NUFIP2: variants seen among roughly 807,000 people sequenced by gnomAD.
The protein encoded by NUFIP2 is FMR1-interacting protein NUFIP2.
A neutral mutation model predicts 56.9 loss-of-function variants in NUFIP2; 6 were observed. The ratio of observed to expected loss-of-function variants is 0.11; its 90% CI spans 0.06 to 0.21. The LOEUF is 0.21. Among genes scored for constraint, NUFIP2 ranks in the 10% least tolerant of loss-of-function variants. NUFIP2 has a pLI of 1.00. For missense variants in NUFIP2, 828 were observed against 826.8 expected (o/e 1.00, Z -0.02); for synonymous variants, 321 against 298.2 (o/e 1.08, Z -0.79).
intron 2 of NUFIP2, among the ~76,000 whole-genome samples, chr17:29,284,727 A>AAG (rs2069161824): frequency 6.7e-6 from 1 of 149,958 alleles, no homozygotes; most frequent in Non-Finnish European, 1.5e-5. Context: ...AAAAAAAAAA[A>AAG]GAAAAAAAAG....
In NUFIP2 at chr17:29,260,801, G is replaced by A. The variant is rs2068997922; in HGVS notation, c.*3738C>T. Reference sequence around the variant, plus strand: ...CCTTTATGAAGTTTCTGCAGATTGAGTAATGACTAGGTAAGCAGATGATTA... The same window carrying A: ...CCTTTATGAAGTTTCTGCAGATTGAATAATGACTAGGTAAGCAGATGATTA... On this transcript the variant is annotated 3_prime_UTR_variant, in exon 4 of 4. Transcript: ENST00000225388. The A allele has an allele frequency of 6.6e-6, 1 of 152,078 alleles. No individual in the cohort carries two copies. The allele number at this position is 152,078 out of a possible 1,614,324, so 9.4% of individuals were successfully genotyped here. A position where few individuals can be genotyped will look rare whatever the true frequency, so the allele number is the denominator to read the frequency against.
In NUFIP2 at chr17:29,261,685, G is replaced by A. The variant is rs187405578; in HGVS notation, c.*2854C>T. On this transcript the variant is annotated 3_prime_UTR_variant, in exon 4 of 4. Coordinates refer to ENST00000225388, the MANE Select transcript of NUFIP2 (RefSeq NM_020772.3). ...GTAAGGAATTGTGTGAGGACCTAAG[G>A]AGAAAGATTGCAACAAATAGAGTTA... The A allele has an allele frequency of 6.6e-6, 1 of 152,580 alleles. No individual in the cohort carries two copies. Among genetic ancestry groups the A allele is most frequent in the Admixed American group, 6.5e-5 (1 of 15,270 alleles). The allele number at this position is 152,580 out of a possible 1,614,324, so 9.5% of individuals were successfully genotyped here.
intron 2 of NUFIP2, among the ~76,000 whole-genome samples, chr17:29,270,324 G>GAAA (rs386385865): frequency 0.14 from 11,539 of 81,086 alleles, 666 homozygotes; most frequent in South Asian, 0.21. Flanking sequence ...CTAACCTGGA[G>GAAA]AAAAAAAAAA....
intron 1 of NUFIP2, among the ~76,000 whole-genome samples, chr17:29,292,768 G>T (rs2069224286): frequency 6.7e-6 from 1 of 148,844 alleles, no homozygotes; most frequent in African/African-American, 2.5e-5. Flanking sequence ...CCCTGCGCAG[G>T]CCGCTCCCCT....
chr17:29,268,069 T>C (rs538887915), intron 2 of NUFIP2, among the ~76,000 whole-genome samples: 171 of 152,250 alleles, frequency 1.1e-3, no homozygotes, highest in African/African-American at 3.8e-3. Context: ...CAGCTAATTT[T>C]TGTATTTTTA....
At chr17:29,271,120 T>C (rs72819457) in intron 2 of NUFIP2, among the ~76,000 whole-genome samples, 3,282 of 152,358 alleles carry the variant, frequency 0.022, 42 homozygotes, top group Middle Eastern at 0.034. Context: ...TGATAAAATG[T>C]TATTACCCTT....
In NUFIP2 at chr17:29,267,666, T is replaced by A. The variant is rs2069046727; in HGVS notation, c.2003-136A>T. Reference sequence around the variant, plus strand: ...TAGGGTTGAAAATGGCAAAATTCTATGAAGTTCAGATAAAGCATTCATATT... The same window carrying A: ...TAGGGTTGAAAATGGCAAAATTCTAAGAAGTTCAGATAAAGCATTCATATT... On this transcript the variant is annotated intron_variant, in intron 2 of 3. Coordinates refer to ENST00000225388, the MANE Select transcript of NUFIP2 (RefSeq NM_020772.3). 7.2e-6 allele frequency: 4 copies of A among 555,666 alleles called. No individual in the cohort carries two copies. The Admixed American group carries it at 1.4e-4, about 20-fold the overall frequency. 34.4% of individuals were successfully genotyped at this position (555,666 alleles called of 1,614,324 possible).
chr17:29,260,422 T>C lies in NUFIP2; in HGVS notation c.*4117A>G, dbSNP rs147533649. 1.3e-5 allele frequency: 2 copies of C among 152,346 alleles called. No homozygotes were observed. Among genetic ancestry groups the C allele is most frequent in the African/African-American group, 4.8e-5 (2 of 41,572 alleles). The allele number at this position is 152,346 out of a possible 1,614,324, so 9.4% of individuals were successfully genotyped here. A position where few individuals can be genotyped will look rare whatever the true frequency, so the allele number is the denominator to read the frequency against. On this transcript the variant is annotated 3_prime_UTR_variant, in exon 4 of 4. Transcript: ENST00000225388. ...AGGATGTGGCCCAGCGGCATAACTA[T>C]ACTAATAATACCTGGAAATTGGACT...
intron 2 of NUFIP2, 86 bp downstream of exon 2, chr17:29,285,903 GAAC>G (rs890337854): frequency 1.9e-6 from 2 of 1,030,052 alleles, no homozygotes; most frequent in African/African-American, 1.6e-5. Context: ...CTCTTAATAT[GAAC>G]AACTAATTCT....
rs1313262799 is a variant in NUFIP2, at chr17:29,259,342, G to C, written c.*5197C>G. 1.3e-5 allele frequency: 2 copies of C among 152,276 alleles called. No homozygotes were observed. Among genetic ancestry groups the C allele is most frequent in the Non-Finnish European group, 2.9e-5 (2 of 68,106 alleles). The allele number at this position is 152,276 out of a possible 1,614,324, so 9.4% of individuals were successfully genotyped here. A position where few individuals can be genotyped will look rare whatever the true frequency, so the allele number is the denominator to read the frequency against. Reference sequence around the variant, plus strand: ...CACACCTGTAATTCCAGCACTTTGGGAGGCTGAGGCGGGCAGATTGCCTGA... The same window carrying C: ...CACACCTGTAATTCCAGCACTTTGGCAGGCTGAGGCGGGCAGATTGCCTGA... On this transcript the variant is annotated 3_prime_UTR_variant, in exon 4 of 4. Transcript: ENST00000225388.
chr17:29,287,048 C>T lies in NUFIP2; in HGVS notation c.946G>A (p.Asp316Asn), dbSNP rs1453368253. Residue 316 changes from aspartate (D) to asparagine (N), a missense_variant, in exon 2 of 4, where the codon GAT becomes AAT. Asp to Asn is a conservative substitution (Grantham distance 23). Coordinates refer to ENST00000225388, the MANE Select transcript of NUFIP2 (RefSeq NM_020772.3). ...SKPGVSSKKF[D>N]DRPKGKHASA... ...GCATGCTTTCCTTTGGGCCGATCATCAAACTTTTTGCTGCTCACACCAGGT... is the reference window on the plus strand; with the variant it reads ...GCATGCTTTCCTTTGGGCCGATCATTAAACTTTTTGCTGCTCACACCAGGT... 1 of 1,614,082 alleles carries T rather than the reference C, an allele frequency of 6.2e-7. No homozygotes were observed. Among genetic ancestry groups the T allele is most frequent in the African/African-American group, 1.3e-5 (1 of 74,930 alleles).
intron 2 of NUFIP2, among the ~76,000 whole-genome samples, chr17:29,279,915 T>C (rs972457235): frequency 8.5e-5 from 13 of 152,118 alleles, no homozygotes; most frequent in African/African-American, 3.1e-4. Flanking sequence ...ACCTCCCAGA[T>C]TCAAGCGATT....
In NUFIP2 at chr17:29,286,482, C is replaced by G; in HGVS notation, c.1512G>C (p.Gln504His). Residue 504 changes from glutamine (Q) to histidine (H), a missense_variant, in exon 2 of 4, where the codon CAG becomes CAC. Gln to His is a conservative substitution (Grantham distance 24, BLOSUM62 0). Transcript: ENST00000225388. ...TTATAAATGATAAACCCCACTGATTCTGGAAGATATCCCCCAGGTTTTGCT... is the reference window on the plus strand; with the variant it reads ...TTATAAATGATAAACCCCACTGATTGTGGAAGATATCCCCCAGGTTTTGCT... ...TDQQNLGDIF[Q>H]NQWGLSFINE... is the part of the protein sequence containing the mutation. The G allele has an allele frequency of 1.2e-6, 2 of 1,614,162 alleles. No individual in the cohort carries two copies. Among genetic ancestry groups the G allele is most frequent in the Non-Finnish European group, 1.7e-6 (2 of 1,180,026 alleles).
chr17:29,284,706 CAA>C (rs66700326), intron 2 of NUFIP2, among the ~76,000 whole-genome samples: 3 of 53,632 alleles, frequency 5.6e-5, no homozygotes, highest in African/African-American at 7.9e-5. Flanking sequence ...GACTCCATCT[CAA>C]AAAAAAAAAA....
In NUFIP2 at chr17:29,257,214, A is replaced by T. The variant is rs2153010012; in HGVS notation, c.*7325T>A. 6.6e-6 allele frequency: 1 copy of T among 152,316 alleles called. No individual in the cohort carries two copies. Among genetic ancestry groups the T allele is most frequent in the Non-Finnish European group, 1.5e-5 (1 of 68,014 alleles). The allele number at this position is 152,316 out of a possible 1,614,324, so 9.4% of individuals were successfully genotyped here. On this transcript the variant is annotated 3_prime_UTR_variant, in exon 4 of 4. Transcript: ENST00000225388. ...ATAGGTGCCAGTTTTCCTCTCTCCT[A>T]GTTCCACTGATGAGCTAGCCCAGAA...
intron 2 of NUFIP2, among the ~76,000 whole-genome samples, chr17:29,280,400 A>C (rs1449852487): frequency 6.6e-6 from 1 of 152,236 alleles, no homozygotes; most frequent in Non-Finnish European, 1.5e-5. Context: ...ACTTTTAAGA[A>C]GGCACAGTTA....
At chr17:29,268,882 T>C (rs1001310781) in intron 2 of NUFIP2, among the ~76,000 whole-genome samples, 2 of 152,196 alleles carry the variant, frequency 1.3e-5, no homozygotes, top group African/African-American at 4.8e-5. Flanking sequence ...TCCACATCTA[T>C]TATTAATGGC....
At chr17:29,280,505 T>C (rs1029803237) in intron 2 of NUFIP2, among the ~76,000 whole-genome samples, 1 of 150,010 alleles carries the variant, frequency 6.7e-6, no homozygotes, top group Non-Finnish European at 1.5e-5. Flanking sequence ...AGCAGAAGGA[T>C]CACTTGAGGG....
chr17:29,272,644 A>T (rs1420807432), intron 2 of NUFIP2, among the ~76,000 whole-genome samples: 2 of 152,192 alleles, frequency 1.3e-5, no homozygotes, highest in African/African-American at 4.8e-5. Context: ...AAATCATCAT[A>T]CACATACAAG....
Sources: gnomAD v4.1 joint callset for allele counts (sites outside exome capture counted in the v4.1 genomes callset) on GRCh38, gnomAD v4.1.1 for gene constraint, MANE v1.5 for transcripts, NCBI Gene and HGNC (gene_info 2026-07-23, HGNC 2026-07-21) for gene names.